The following RBSN variants were observed in gnomAD, a reference collection of about 807,000 sequenced individuals.
The protein encoded by RBSN is rabenosyn, RAB effector, also known as rabenosyn-5.
In RBSN, 34 loss-of-function variants were observed where a neutral mutation model predicts 60.5. That is an observed-to-expected ratio of 0.56 (90% CI 0.43 to 0.75). The LOEUF (loss-of-function observed/expected upper bound fraction) is 0.75, where lower values mean the gene tolerates loss of function less well. Ranked by LOEUF, RBSN falls within the 30% of genes least tolerant of loss-of-function variation. The pLI is 0.00. For missense variants in RBSN, 845 were observed against 986.8 expected (o/e 0.86, Z 1.92); for synonymous variants, 322 against 366.9 (o/e 0.88, Z 1.40).
Position 15,085,059 on chromosome 3 carries a change from A to T in RBSN, c.391-14T>A. 1.9e-6 allele frequency: 3 copies of T among 1,614,184 alleles called. No individual in the cohort carries two copies. The highest frequency in any genetic ancestry group is 2.5e-6 in the Non-Finnish European group (3 of 1,180,000). ...AAATGCAGTGAGCTGACCGGAAGAA[A>T]ATAGTGCCAAATGAAATTAACCAGG... is the stretch of plus-strand genomic sequence containing the variant. On this transcript the variant is annotated splice_polypyrimidine_tract_variant and intron_variant, in intron 6 of 13. Transcript: ENST00000253699.
chr3:15,091,551 G>A, intron 4 of RBSN: 2 of 1,240,184 alleles, frequency 1.6e-6, no homozygotes, highest in Non-Finnish European at 1.0e-6. Context: ...AACATTTCCT[G>A]TATTTAGCCA....
At position 15,084,200 on chromosome 3, in the gene RBSN, C is replaced by A. The variant is rs1309548314; in HGVS notation, c.598+535G>T. Among the ~76,000 whole-genome samples the A allele has an allele frequency of 6.6e-6, 1 of 152,136 alleles. No homozygotes were observed. Among genetic ancestry groups the A allele is most frequent in the Admixed American group, 6.5e-5 (1 of 15,282 alleles). On this transcript the variant is annotated intron_variant, in intron 8 of 13. Coordinates refer to ENST00000253699, the MANE Select transcript of RBSN (RefSeq NM_022340.4). The surrounding 1 kb of genome is among the most constrained non-coding windows in gnomAD (Gnocchi z 4.2). ...GTGGCTCAATCTCAGCTCACTGCAG[C>A]CTTCACCTCCCAGGTTCAAGCAATT...
At chr3:15,091,258 AAATAATGTTTT>A in intron 4 of RBSN, 9 of 635,338 alleles carry the variant, frequency 1.4e-5, no homozygotes, top group Non-Finnish European at 1.8e-5. Context: ...ACCTCAGTTA[AAATAATGTTTT>A]TTAAAAAACA....
intron 10 of RBSN, among the ~76,000 whole-genome samples, 195 bp from the exon 11 acceptor site, chr3:15,078,356 A>C (rs1262578742): frequency 6.6e-6 from 1 of 152,188 alleles, no homozygotes; most frequent in Non-Finnish European, 1.5e-5. Context: ...TTCGATTTGC[A>C]GACGCAACAG....
Position 15,071,865 on chromosome 3 carries a change from A to G in RBSN, c.*1917T>C, listed in dbSNP as rs1002763307. The G allele has an allele frequency of 5.2e-5, 8 of 152,672 alleles. No individual in the cohort carries two copies. Among genetic ancestry groups the G allele is most frequent in the African/African-American group, 1.9e-4 (8 of 41,458 alleles). The allele number at this position is 152,672 out of a possible 1,614,324, so 9.5% of individuals were successfully genotyped here. A position where few individuals can be genotyped will look rare whatever the true frequency, so the allele number is the denominator to read the frequency against. On this transcript the variant is annotated 3_prime_UTR_variant, in exon 14 of 14. Coordinates refer to ENST00000253699, the MANE Select transcript of RBSN (RefSeq NM_022340.4). ...GACTAGTGGTCAGTTATTGTTCATT[A>G]GTTCAGATGAGTAACTGCAGAAACT...
intron 10 of RBSN, among the ~76,000 whole-genome samples, chr3:15,078,509 G>A (rs1407400643): frequency 3.3e-5 from 5 of 151,964 alleles, no homozygotes; most frequent in East Asian, 1.9e-4. Flanking sequence ...ACTACATTAA[G>A]AGCAGAAAGC....
intron 5 of RBSN, among the ~76,000 whole-genome samples, chr3:15,086,420 G>C (rs1412174957): frequency 6.6e-6 from 1 of 152,188 alleles, no homozygotes; most frequent in Non-Finnish European, 1.5e-5. Context: ...CCTGAGAGTA[G>C]AGCAGATAAG....
At chr3:15,090,224 G>C (rs2043475100) in intron 5 of RBSN, among the ~76,000 whole-genome samples, 175 bp downstream of exon 5, 1 of 152,204 alleles carries the variant, frequency 6.6e-6, no homozygotes, top group Non-Finnish European at 1.5e-5. Flanking sequence ...CTAACACAAA[G>C]TGGATGCTCA....
At chr3:15,097,648 C>G (rs2043697052) in intron 2 of RBSN, among the ~76,000 whole-genome samples, 1 of 152,148 alleles carries the variant, frequency 6.6e-6, no homozygotes, top group African/African-American at 2.4e-5. Context: ...CATCAAGACA[C>G]CCAGTCACAA....
At chr3:15,094,804 T>A (rs1212569035) in intron 4 of RBSN, among the ~76,000 whole-genome samples, 1 of 152,190 alleles carries the variant, frequency 6.6e-6, no homozygotes, top group Admixed American at 6.5e-5. Context: ...GGGACAAATA[T>A]CTGATTACAA....
In RBSN at chr3:15,073,537, G is replaced by C. The variant is rs2042968207; in HGVS notation, c.*245C>G. 1 of 471,504 alleles carries C rather than the reference G, an allele frequency of 2.1e-6. No individual in the cohort carries two copies. The highest frequency in any genetic ancestry group is 3.9e-5 in the South Asian group (1 of 25,792). 29.2% of individuals were successfully genotyped at this position (471,504 alleles called of 1,614,324 possible). A position where few individuals can be genotyped will look rare whatever the true frequency, so the allele number is the denominator to read the frequency against. On this transcript the variant is annotated 3_prime_UTR_variant, in exon 14 of 14. Coordinates refer to ENST00000253699, the MANE Select transcript of RBSN (RefSeq NM_022340.4). ...GGTAAACCTCCGATTACAAAAGATA[G>C]TAATAATAAACAGGAAAAGCAGCAA...
chr3:15,074,267 A>G lies in RBSN; in HGVS notation c.1870T>C (p.Ser624Pro). 6.2e-7 allele frequency: 1 copy of G among 1,612,890 alleles called. No individual in the cohort carries two copies. The stretch of plus-strand genomic sequence containing the variant: ...TCTTCCTCATCAAAGGGGTTTAAGG[A>G]GGGCCCCTCATGTTGCTGTGGCATG... ...SSMPQQHEGP[S>P]LNPFDEEDLS... is the part of the protein sequence containing the mutation. The change falls in exon 14 of 14, where the codon TCC becomes CCC. Residue 624 changes from serine (S) to proline (P), a missense_variant. Transcript: ENST00000253699. The surrounding 1 kb of genome is among the most constrained non-coding windows in gnomAD (Gnocchi z 6.4).
Position 15,071,888 on chromosome 3 carries a change from A to G in RBSN, c.*1894T>C, listed in dbSNP as rs1429332168. The G allele has an allele frequency of 6.6e-6, 1 of 152,496 alleles. No individual in the cohort carries two copies. The highest frequency in any genetic ancestry group is 2.4e-5 in the African/African-American group (1 of 41,382). 9.4% of individuals were successfully genotyped at this position (152,496 alleles called of 1,614,324 possible). A position where few individuals can be genotyped will look rare whatever the true frequency, so the allele number is the denominator to read the frequency against. ...TTAGTTCAGATGAGTAACTGCAGAAACTCTACCCAGAGCTGAGCACATATG... is the reference window on the plus strand; with the variant it reads ...TTAGTTCAGATGAGTAACTGCAGAAGCTCTACCCAGAGCTGAGCACATATG... On this transcript the variant is annotated 3_prime_UTR_variant, in exon 14 of 14. Transcript: ENST00000253699.
chr3:15,089,080 C>G (rs1431343670), intron 5 of RBSN, among the ~76,000 whole-genome samples: 1 of 152,070 alleles, frequency 6.6e-6, no homozygotes, highest in Admixed American at 6.6e-5. Flanking sequence ...TTGAATAAAT[C>G]ACAAGGGAAT....
chr3:15,082,565 G>A lies in RBSN; in HGVS notation c.642C>T (p.Thr214=), dbSNP rs372270419. 4.3e-6 allele frequency: 7 copies of A among 1,614,042 alleles called. No individual in the cohort carries two copies. The highest frequency in any genetic ancestry group is 5.9e-6 in the Non-Finnish European group (7 of 1,180,038). ...CACTGTTGGGTGACTGGCTGGGGCT[G>A]GTGTGGGTGCTCAGGGACTCCTTGC... The part of the protein sequence containing the change: ...SASKESLSTH[T]SPSQSPNSVH... The change falls in exon 9 of 14, where the codon ACC becomes ACT. Residue 214 remains threonine (T), a synonymous_variant. Coordinates refer to ENST00000253699, the MANE Select transcript of RBSN (RefSeq NM_022340.4). This position sits in a 1 kb window ranked among gnomAD's most constrained non-coding sequence, Gnocchi z 4.2.
rs1471753056 is a variant in RBSN at position 15,074,444 on chromosome 3, G to A, written c.1693C>T (p.Pro565Ser). 2 of 1,614,198 alleles carry A rather than the reference G, an allele frequency of 1.2e-6. No individual in the cohort carries two copies. The change falls in exon 14 of 14, where the codon CCT (proline) becomes TCT (serine). Residue 565 changes from proline to serine, a missense_variant. Pro to Ser is a moderately conservative substitution (Grantham distance 74). Coordinates refer to ENST00000253699, the MANE Select transcript of RBSN (RefSeq NM_022340.4). This position sits in a 1 kb window ranked among gnomAD's most constrained non-coding sequence, Gnocchi z 6.4. The part of the protein sequence containing the change: ...GPFQLEPSRE[P>S]RTHLAYALDL... ...AAAGCATAAGCAAGGTGGGTGCGAG[G>A]CTCTCTGCTGGGCTCCAGCTGAAAA...
Position 15,096,114 on chromosome 3 carries a change from A to G in RBSN, c.7T>C (p.Ser3Pro), listed in dbSNP as rs968061907. 1.3e-6 allele frequency: 2 copies of G among 1,584,906 alleles called. No individual in the cohort carries two copies. The highest frequency in any genetic ancestry group is 1.2e-5 in the South Asian group (1 of 86,032). The stretch of plus-strand genomic sequence containing the variant: ...CTCACTTCCCCTGGGTCGTCCAGAG[A>G]AGCCATGGCAGTGCCGCTCTCAACC... The part of the protein sequence containing the change: MA[S>P]LDDPGEVREG... Residue 3 changes from serine to proline, a missense_variant, in exon 4 of 14, where the codon TCT (serine) becomes CCT (proline). Transcript: ENST00000253699.
At chr3:15,079,849 G>A (rs1287547815) in intron 10 of RBSN, among the ~76,000 whole-genome samples, 2 of 151,484 alleles carry the variant, frequency 1.3e-5, no homozygotes, top group Non-Finnish European at 3.0e-5. Flanking sequence ...TGAAGACAGT[G>A]GTAATGTTCG....
chr3:15,084,858 C>G lies in RBSN; in HGVS notation c.475G>C (p.Asp159His). ...CCACAGTCTGGACAGAAAGGGACAT[C>G]CTGGTCGTTGACCCAAGGCACCACA... ...KSVVPWVNDQ[D>H]VPFCPDCGNK... Residue 159 changes from aspartate to histidine, a missense_variant, in exon 8 of 14, where the codon GAT becomes CAT. Asp to His is a moderately conservative substitution (Grantham distance 81). Coordinates refer to ENST00000253699, the MANE Select transcript of RBSN (RefSeq NM_022340.4). The surrounding 1 kb of genome is among the most constrained non-coding windows in gnomAD (Gnocchi z 4.2). 1 of 1,614,038 alleles carries G rather than the reference C, an allele frequency of 6.2e-7. No homozygotes were observed. Among genetic ancestry groups the G allele is most frequent in the African/African-American group, 1.3e-5 (1 of 75,052 alleles).
Sources: gnomAD v4.1 joint callset for allele counts (sites outside exome capture counted in the v4.1 genomes callset) on GRCh38, gnomAD v4.1.1 for gene constraint, Gnocchi (gnomAD v3.1) non-coding constraint, MANE v1.5 for transcripts, NCBI Gene and HGNC (gene_info 2026-07-23, HGNC 2026-07-21) for gene names.